The following USP32 variants were observed in gnomAD, a reference collection of about 807,000 sequenced individuals.
The protein encoded by USP32 is ubiquitin specific peptidase 32.
In USP32, 59 loss-of-function variants were observed where a neutral mutation model predicts 204.8. The observed-to-expected ratio is 0.29, with a 90% CI of 0.23 to 0.36. The LOEUF (loss-of-function observed/expected upper bound fraction) is 0.36. Ranked by LOEUF, USP32 falls within the 10% of genes least tolerant of loss-of-function variation. USP32 has a pLI of 1.00. For missense variants in USP32, 1,160 were observed against 1,946.4 expected (o/e 0.60, Z 7.60); for synonymous variants, 517 against 678.4 (o/e 0.76, Z 3.70).
At position 60,387,834 on chromosome 17, in the gene USP32, T is replaced by C. The variant is rs191853018; in HGVS notation, c.58+4048A>G. On this transcript the variant is annotated intron_variant, in intron 1 of 33. Coordinates refer to ENST00000300896, the MANE Select transcript of USP32 (RefSeq NM_032582.4). ...TGGACAAAATAACACAGTAATGCAT[T>C]GAAAATCTCATGTAATTTATTAGTG... Among the ~76,000 whole-genome samples, 201 of 152,318 alleles carry C rather than the reference T, an allele frequency of 1.3e-3. 1 individual carries two copies. Among genetic ancestry groups the C allele is most frequent in the African/African-American group, 4.5e-3 (188 of 41,586 alleles).
Position 60,397,215 on chromosome 17 carries a change from A to G in USP32, c.106+25031T>C, listed in dbSNP as rs566479733. On this transcript the variant is annotated intron_variant, in intron 1 of 3. Coordinates refer to the USP32 transcript ENST00000588898. ...TACCTTACTTCAGTTTCTAGATAAT[A>G]ATAACTTTGTCAAGTCACCTAAGTC... Among the ~76,000 whole-genome samples, 43 of 152,364 alleles carry G rather than the reference A, an allele frequency of 2.8e-4. No individual in the cohort carries two copies. In the South Asian group the frequency reaches 8.5e-3, roughly 30 times the overall value.
Position 60,386,603 on chromosome 17 carries a change from C to CT in USP32, c.58+5278dup, listed in dbSNP as rs141799474. Among the ~76,000 whole-genome samples the CT allele has an allele frequency of 1.2e-3, 188 of 152,282 alleles. 1 individual carries two copies. Among genetic ancestry groups the CT allele is most frequent in the African/African-American group, 4.5e-3 (185 of 41,558 alleles). On this transcript the variant is annotated intron_variant, in intron 1 of 33. Coordinates refer to ENST00000300896, the MANE Select transcript of USP32 (RefSeq NM_032582.4). Reference sequence around the variant, plus strand: ...TGGGTTGGGCATCACAATCCCAACTCTAACTTCCTTACACATCTTTCTGGA... The same window carrying CT: ...TGGGTTGGGCATCACAATCCCAACTCTTAACTTCCTTACACATCTTTCTGGA...
intron 1 of USP32, among the ~76,000 whole-genome samples, chr17:60,355,537 G>A (rs2089049176): frequency 6.6e-6 from 1 of 152,054 alleles, no homozygotes; most frequent in Non-Finnish European, 1.5e-5. Flanking sequence ...CCAAATGCTT[G>A]CAATAATCCA....
At chr17:60,341,535 C>T (rs1309056337) in intron 2 of USP32, among the ~76,000 whole-genome samples, 1 of 152,208 alleles carries the variant, frequency 6.6e-6, no homozygotes, top group Non-Finnish European at 1.5e-5. Context: ...GCCAAGAGAA[C>T]ACCAATCAAA....
intron 2 of USP32, among the ~76,000 whole-genome samples, chr17:60,303,369 G>C (rs909029682): frequency 6.6e-6 from 1 of 152,042 alleles, no homozygotes; most frequent in Non-Finnish European, 1.5e-5. Context: ...CAATGTAAAA[G>C]TGTCACCCCT....
intron 1 of USP32, among the ~76,000 whole-genome samples, chr17:60,387,190 G>C (rs1056594369): frequency 6.6e-6 from 1 of 152,186 alleles, no homozygotes; most frequent in Non-Finnish European, 1.5e-5. Flanking sequence ...ATCATAGGTA[G>C]TATAAATCTA....
At chr17:60,217,537 C>A (rs60882432) in intron 16 of USP32, among the ~76,000 whole-genome samples, 1 of 151,930 alleles carries the variant, frequency 6.6e-6, no homozygotes, top group African/African-American at 2.4e-5. Context: ...TCTGGTGATT[C>A]AGCAGCCTCG....
chr17:60,232,476 A>ATTTT (rs764051983), intron 12 of USP32, among the ~76,000 whole-genome samples: 1 of 120,372 alleles, frequency 8.3e-6, no homozygotes, highest in African/African-American at 3.7e-5. Flanking sequence ...CCTGGCCCAA[A>ATTTT]TTTTTTTTTT....
At chr17:60,379,872 C>A (rs1185138906) in intron 1 of USP32, among the ~76,000 whole-genome samples, 1 of 152,172 alleles carries the variant, frequency 6.6e-6, no homozygotes, top group East Asian at 1.9e-4. Flanking sequence ...ATGGTTCTCT[C>A]AATCATCAAG....
intron 1 of USP32, among the ~76,000 whole-genome samples, chr17:60,379,806 G>T (rs2089615465): frequency 6.6e-6 from 1 of 152,166 alleles, no homozygotes; most frequent in Non-Finnish European, 1.5e-5. Flanking sequence ...AATAACTATT[G>T]ATTTTTAAAT....
intron 1 of USP32, among the ~76,000 whole-genome samples, chr17:60,372,730 G>C (rs2089464511): frequency 6.7e-6 from 1 of 149,768 alleles, no homozygotes; most frequent in African/African-American, 2.5e-5. Flanking sequence ...GTGCCTCCAA[G>C]CTACTGAAGA....
chr17:60,412,949 G>A (rs1300561586), intron 1 of USP32, among the ~76,000 whole-genome samples: 1 of 151,956 alleles, frequency 6.6e-6, no homozygotes, highest in Non-Finnish European at 1.5e-5. Context: ...TTAGAAACAC[G>A]CTCTAAAGTT....
At chr17:60,398,860 G>A (rs1475324319) in intron 1 of USP32, among the ~76,000 whole-genome samples, 1 of 151,896 alleles carries the variant, frequency 6.6e-6, no homozygotes, top group Non-Finnish European at 1.5e-5. Flanking sequence ...GTGTGCCTTC[G>A]GTCCCAGCTA....
At chr17:60,361,741 T>G (rs1190103255) in intron 1 of USP32, among the ~76,000 whole-genome samples, 1 of 152,152 alleles carries the variant, frequency 6.6e-6, no homozygotes, top group African/African-American at 2.4e-5. Flanking sequence ...AAAATCAATA[T>G]CCACTTATCC....
intron 11 of USP32, among the ~76,000 whole-genome samples, chr17:60,248,507 A>G (rs237969): frequency 0.31 from 47,696 of 152,042 alleles, 13,806 homozygotes; most frequent in African/African-American, 0.77. Flanking sequence ...AGACTTGATC[A>G]TGTTCCAACT....
intron 4 of USP32, among the ~76,000 whole-genome samples, chr17:60,290,137 T>C (rs1190859739): frequency 6.6e-6 from 1 of 152,222 alleles, no homozygotes; most frequent in East Asian, 1.9e-4. Context: ...TGTAATTCTC[T>C]GTAAGTCCAG....
At chr17:60,347,159 T>C (rs527383127) in intron 1 of USP32, among the ~76,000 whole-genome samples, 1 of 151,880 alleles carries the variant, frequency 6.6e-6, no homozygotes, top group South Asian at 2.1e-4. Flanking sequence ...GAAGCTAGAC[T>C]GAGAGTAGAA....
At chr17:60,421,163 C>T (rs1407896660) in intron 1 of USP32, 3 of 177,520 alleles carry the variant, frequency 1.7e-5, no homozygotes, top group Admixed American at 6.5e-5. Context: ...TCTTAATACT[C>T]GCAAAATAAT....
intron 6 of USP32, among the ~76,000 whole-genome samples, chr17:60,270,738 G>T (rs948905202): frequency 2.0e-5 from 3 of 150,646 alleles, no homozygotes; most frequent in African/African-American, 4.9e-5. Flanking sequence ...TAGGAGAATC[G>T]CTTGAACCCA....
Sources: allele counts gnomAD v4.1 joint callset (sites outside exome capture counted in the v4.1 genomes callset), GRCh38; gene constraint gnomAD v4.1.1; transcripts MANE v1.5; gene names NCBI Gene and HGNC (gene_info 2026-07-23, HGNC 2026-07-21).